RCL1: variants seen among roughly 807,000 people sequenced by gnomAD.
RCL1 encodes RNA terminal phosphate cyclase like 1.
In RCL1, 24 loss-of-function variants were observed where a neutral mutation model predicts 42.4. The observed-to-expected ratio is 0.57, with a 90% confidence interval of 0.41 to 0.80. The LOEUF (loss-of-function observed/expected upper bound fraction) is 0.80. RCL1 is among the 30% of genes least tolerant of loss of function. RCL1 has a pLI of 0.00. For synonymous variants in RCL1, 228 were observed against 177.3 expected (o/e 1.29, Z -2.27); for missense variants, 578 against 467.9 (o/e 1.24, Z -2.17).
intron 8 of RCL1, among the ~76,000 whole-genome samples, chr9:4,855,608 G>C (rs1325822497): frequency 6.6e-6 from 1 of 152,124 alleles, no homozygotes; most frequent in African/African-American, 2.4e-5. Flanking sequence ...TCTTAAGGAG[G>C]CTGTTTGCTG....
Position 4,802,316 on chromosome 9 carries a change from C to G in RCL1, c.136+9089C>G, listed in dbSNP as rs111246073. On this transcript the variant is annotated intron_variant, in intron 1 of 8. Transcript: ENST00000381750. Reference sequence around the variant, plus strand: ...TTCCTCCCAGTTTGTTTTTCAAAATCATTTTAGTTATTCTAGTTCCTTTGC... The same window carrying G: ...TTCCTCCCAGTTTGTTTTTCAAAATGATTTTAGTTATTCTAGTTCCTTTGC... Among the ~76,000 whole-genome samples the G allele has an allele frequency of 9.1e-3, 1,386 of 152,112 alleles. 24 individuals are homozygous for G. Among genetic ancestry groups the G allele is most frequent in the African/African-American group, 0.032 (1,311 of 41,488 alleles).
intron 3 of RCL1, among the ~76,000 whole-genome samples, chr9:4,831,441 C>G (rs1373213663): frequency 1.3e-5 from 2 of 151,908 alleles, no homozygotes; most frequent in Non-Finnish European, 2.9e-5. Context: ...CTTTATCTGG[C>G]AACGCCAAAT....
intron 1 of RCL1, among the ~76,000 whole-genome samples, chr9:4,816,926 C>T (rs981982788): frequency 6.6e-6 from 1 of 152,188 alleles, no homozygotes; most frequent in African/African-American, 2.4e-5. Flanking sequence ...ACGCCATTCT[C>T]CTGCCTCAGC....
intron 1 of RCL1, among the ~76,000 whole-genome samples, chr9:4,814,365 C>T (rs887326060): frequency 1.3e-5 from 2 of 151,982 alleles, no homozygotes; most frequent in South Asian, 4.1e-4. Flanking sequence ...TTTACTGCAA[C>T]CTTGAACTCC....
At chr9:4,840,585 A>G (rs1054408220) in intron 5 of RCL1, among the ~76,000 whole-genome samples, 1 of 152,234 alleles carries the variant, frequency 6.6e-6, no homozygotes, top group Non-Finnish European at 1.5e-5. Flanking sequence ...TATTTTAACC[A>G]TAAGGTAGCA....
chr9:4,830,094 A>G (rs1217538879), intron 3 of RCL1, among the ~76,000 whole-genome samples: 1 of 152,234 alleles, frequency 6.6e-6, no homozygotes, highest in Non-Finnish European at 1.5e-5. Flanking sequence ...GCAGGAATCA[A>G]GTTCTAAGAA....
At chr9:4,824,843 T>A (rs1018784081) in intron 2 of RCL1, among the ~76,000 whole-genome samples, 10 of 152,232 alleles carry the variant, frequency 6.6e-5, no homozygotes, top group African/African-American at 2.2e-4. Flanking sequence ...TTTAGCTTGT[T>A]TGCTTTGAAA....
intron 8 of RCL1, among the ~76,000 whole-genome samples, chr9:4,853,169 G>A (rs901736747): frequency 7.2e-5 from 11 of 151,744 alleles, no homozygotes; most frequent in African/African-American, 2.2e-4. Context: ...CTTCATAAGG[G>A]CAAAAAAGGC....
At chr9:4,843,024 A>G (rs1013719568) in intron 6 of RCL1, among the ~76,000 whole-genome samples, 5 of 152,210 alleles carry the variant, frequency 3.3e-5, no homozygotes, top group Non-Finnish European at 5.9e-5. Context: ...ACACGTAGAT[A>G]AAGACATGGA....
chr9:4,842,198 G>C (rs1327724513), intron 6 of RCL1, among the ~76,000 whole-genome samples: 2 of 152,178 alleles, frequency 1.3e-5, no homozygotes, highest in East Asian at 1.9e-4. Context: ...TTTGCAGGTT[G>C]TGTCTCCTAA....
Position 4,857,931 on chromosome 9 carries a change from CTTT to C in RCL1, c.972-2177_972-2175del, listed in dbSNP as rs34470773. ...AGGAAATATCCGTTTAGCTCTCCCACTTTTTTTTTTTTTTTTTTTCAGTGAGTC... is the reference window on the plus strand; with the variant it reads ...AGGAAATATCCGTTTAGCTCTCCCACTTTTTTTTTTTTTTTTCAGTGAGTC... On this transcript the variant is annotated intron_variant, in intron 8 of 8. Transcript: ENST00000381750. Among the ~76,000 whole-genome samples the C allele has an allele frequency of 1.1e-4, 11 of 103,030 alleles. No individual in the cohort carries two copies. In the East Asian group the frequency reaches 1.3e-3, roughly 12 times the overall value. The allele number at this position is 103,030 out of a possible 152,430, so 67.6% of individuals were successfully genotyped here.
intron 1 of RCL1, among the ~76,000 whole-genome samples, chr9:4,819,103 A>C (rs1816494982): frequency 6.6e-6 from 1 of 152,218 alleles, no homozygotes; most frequent in Non-Finnish European, 1.5e-5. Flanking sequence ...AGAAATATGC[A>C]CATGACACAA....
intron 1 of RCL1, among the ~76,000 whole-genome samples, chr9:4,813,593 G>T (rs572225118): frequency 2.0e-5 from 3 of 152,192 alleles, no homozygotes; most frequent in African/African-American, 7.2e-5. Context: ...GTTGGTGGGA[G>T]TGTAAACTAG....
chr9:4,825,310 T>C (rs1816722505), intron 2 of RCL1, among the ~76,000 whole-genome samples: 1 of 152,232 alleles, frequency 6.6e-6, no homozygotes, highest in South Asian at 2.1e-4. Context: ...ATTCTGATGA[T>C]CTGGCCAGTT....
At chr9:4,856,019 C>G (rs7870673) in intron 8 of RCL1, among the ~76,000 whole-genome samples, 133,759 of 152,168 alleles carry the variant, frequency 0.88, 58,877 homozygotes, top group East Asian at 1. Flanking sequence ...GGCTGGGTGA[C>G]ATCCTGGGAG....
At position 4,843,862 on chromosome 9, in the gene RCL1, C is replaced by T. The variant is rs1587726404; in HGVS notation, c.711-663C>T. ...GGCAATTTGGGATTATGCTAAAATT[C>T]TCTAGGTGTCCCATGATGATAGGTG... On this transcript the variant is annotated intron_variant, in intron 6 of 8. Coordinates refer to ENST00000381750, the MANE Select transcript of RCL1 (RefSeq NM_005772.5). Among the ~76,000 whole-genome samples, 4 of 152,288 alleles carry T rather than the reference C, an allele frequency of 2.6e-5. No homozygotes were observed. In the South Asian group the frequency reaches 6.2e-4, roughly 24 times the overall value.
At chr9:4,812,579 C>T (rs576804018) in intron 1 of RCL1, among the ~76,000 whole-genome samples, 120 of 152,014 alleles carry the variant, frequency 7.9e-4, no homozygotes, top group Non-Finnish European at 1.6e-3. Flanking sequence ...AGTGTAATGC[C>T]TCTTGCTTTG....
Position 4,834,160 on chromosome 9 carries a change from C to G in RCL1, c.479C>G (p.Pro160Arg). 6.2e-7 allele frequency: 1 copy of G among 1,613,282 alleles called. No homozygotes were observed. Among genetic ancestry groups the G allele is most frequent in the Non-Finnish European group, 8.5e-7 (1 of 1,179,566 alleles). Residue 160 changes from proline to arginine, a missense_variant, in exon 5 of 9, where the codon CCT becomes CGT. Transcript: ENST00000381750. Reference protein sequence around the residue: ...FELKIVRRGMPPGGGGEVVFS... With the variant: ...FELKIVRRGMRPGGGGEVVFS... ...GTGTAGATTGTGCGACGGGGAATGC[C>G]TCCCGGAGGAGGAGGCGAAGTGGTT...
chr9:4,794,300 A>G (rs1265538685), intron 1 of RCL1, among the ~76,000 whole-genome samples: 1 of 152,184 alleles, frequency 6.6e-6, no homozygotes, highest in Non-Finnish European at 1.5e-5. Context: ...CATGCTATTG[A>G]CGGAGATAGG....
Sources: allele counts gnomAD v4.1 joint callset (sites outside exome capture counted in the v4.1 genomes callset), GRCh38; gene constraint gnomAD v4.1.1; transcripts MANE v1.5; gene names NCBI Gene and HGNC (gene_info 2026-07-23, HGNC 2026-07-21).